MGAT5: variants seen among roughly 807,000 people sequenced by gnomAD.
The protein encoded by MGAT5 is alpha-1,6-mannosylglycoprotein 6-beta-N-acetylglucosaminyltransferase A.
MGAT5 carries 30 observed loss-of-function variants against 94.3 expected under a neutral mutation model. The observed-to-expected ratio is 0.32, with a 90% CI of 0.24 to 0.43. The LOEUF (loss-of-function observed/expected upper bound fraction) is 0.43, where lower values mean the gene tolerates loss of function less well. Ranked by LOEUF, MGAT5 falls within the 20% of genes least tolerant of loss-of-function variation. The probability of loss-of-function intolerance (pLI) is 1.00; values close to 1 mark genes in which losing one functional copy is unlikely to be tolerated. For synonymous variants in MGAT5, 310 were observed against 322.9 expected (o/e 0.96, Z 0.43); for missense variants, 691 against 905.5 (o/e 0.76, Z 3.04).
At chr2:134,206,232 A>G (rs558751113) in intron 1 of MGAT5, among the ~76,000 whole-genome samples, 87 of 152,196 alleles carry the variant, frequency 5.7e-4, no homozygotes, top group Non-Finnish European at 2.8e-4. Context: ...GCGAGAGGAA[A>G]GAGAAGTGAT....
At chr2:134,296,516 C>G (rs1006665600) in intron 2 of MGAT5, among the ~76,000 whole-genome samples, 2 of 151,588 alleles carry the variant, frequency 1.3e-5, no homozygotes, top group East Asian at 3.9e-4. Flanking sequence ...TTTTTTTCCC[C>G]TTGTCTTGTT....
intron 1 of MGAT5, among the ~76,000 whole-genome samples, chr2:134,175,143 T>G (rs2139306): frequency 0.19 from 29,129 of 152,210 alleles, 2,911 homozygotes; most frequent in South Asian, 0.24. Flanking sequence ...CAGTGTCCAG[T>G]TCTGCTGCAT....
intron 2 of MGAT5, among the ~76,000 whole-genome samples, chr2:134,300,933 TAATA>T (rs977154194): frequency 3.9e-5 from 6 of 152,278 alleles, no homozygotes; most frequent in African/African-American, 1.4e-4. Context: ...TGATGAGTTT[TAATA>T]AATGTATATA....
intron 1 of MGAT5, among the ~76,000 whole-genome samples, chr2:134,122,229 C>G (rs566065932): frequency 1.3e-5 from 2 of 152,216 alleles, no homozygotes; most frequent in East Asian, 3.9e-4. Flanking sequence ...CTCAACCTCT[C>G]AAGTAGCTGG....
At chr2:134,146,274 T>C (rs1298859846) in intron 1 of MGAT5, among the ~76,000 whole-genome samples, 1 of 152,058 alleles carries the variant, frequency 6.6e-6, no homozygotes, top group Non-Finnish European at 1.5e-5. Flanking sequence ...AACGTTTGAG[T>C]AGGCCAGGTG....
intron 7 of MGAT5, 124 bp from the exon 8 acceptor site, chr2:134,344,806 C>A: frequency 2.8e-6 from 3 of 1,087,052 alleles, no homozygotes; most frequent in Non-Finnish European, 3.9e-6. Flanking sequence ...TTTGAAAGGG[C>A]CATGCTGTCA....
chr2:134,307,996 G>T (rs1340938948), intron 2 of MGAT5, among the ~76,000 whole-genome samples: 1 of 152,158 alleles, frequency 6.6e-6, no homozygotes, highest in Non-Finnish European at 1.5e-5. Flanking sequence ...TAAATGTGCA[G>T]ATAGGGCTAG....
chr2:134,447,962 G>C (rs902923379), intron 15 of MGAT5, among the ~76,000 whole-genome samples: 3 of 152,214 alleles, frequency 2.0e-5, no homozygotes, highest in African/African-American at 4.8e-5. Flanking sequence ...ATGGCTTAAG[G>C]GTGGCTGCAA....
chr2:134,134,614 G>A (rs896552607), intron 1 of MGAT5, among the ~76,000 whole-genome samples: 1 of 152,226 alleles, frequency 6.6e-6, no homozygotes, highest in African/African-American at 2.4e-5. Context: ...GATCACCCAG[G>A]GGTGGGCAGG....
chr2:134,390,479 A>G (rs7585292), intron 10 of MGAT5, among the ~76,000 whole-genome samples: 15,569 of 152,296 alleles, frequency 0.1, 947 homozygotes, highest in South Asian at 0.23. Flanking sequence ...CATTAGGTAT[A>G]TCTCCTAATG....
chr2:134,220,223 C>T (rs188826255), intron 1 of MGAT5, among the ~76,000 whole-genome samples: 1 of 152,282 alleles, frequency 6.6e-6, no homozygotes. Context: ...TAGTTCTTCG[C>T]CAGCCTCTCA....
At chr2:134,369,421 T>A (rs1315277279) in intron 10 of MGAT5, among the ~76,000 whole-genome samples, 1 of 152,162 alleles carries the variant, frequency 6.6e-6, no homozygotes, top group African/African-American at 2.4e-5. Flanking sequence ...GGAACCTGGC[T>A]CTGGGCCAGC....
intron 10 of MGAT5, among the ~76,000 whole-genome samples, chr2:134,396,205 C>T (rs1220865964): frequency 2.0e-5 from 3 of 152,084 alleles, no homozygotes; most frequent in African/African-American, 7.2e-5. Context: ...CAAGGACCAC[C>T]CCATACATAT....
chr2:134,446,631 C>G (rs2106441365), intron 15 of MGAT5, among the ~76,000 whole-genome samples: 1 of 152,306 alleles, frequency 6.6e-6, no homozygotes, highest in Admixed American at 6.5e-5. Flanking sequence ...CCTGCCCTCT[C>G]CCTTCATGAT....
rs192733187 is a variant in MGAT5 at position 134,235,079 on chromosome 2, A to T, written c.-142-19183A>T. ...TTTCTGGCTTCTTTGGAAAATTGGA[A>T]GATCTAGCTAACCCAGGCTGTCTTA... On this transcript the variant is annotated intron_variant, in intron 1 of 16. Transcript: ENST00000409645. Among the ~76,000 whole-genome samples the T allele has an allele frequency of 3.7e-3, 559 of 152,164 alleles. 4 individuals carry two copies. Among genetic ancestry groups the T allele is most frequent in the Non-Finnish European group, 4.3e-3 (289 of 67,976 alleles).
At chr2:134,198,755 G>T (rs1023336987) in intron 1 of MGAT5, among the ~76,000 whole-genome samples, 1 of 152,150 alleles carries the variant, frequency 6.6e-6, no homozygotes, top group South Asian at 2.1e-4. Flanking sequence ...GTCTGATCAT[G>T]GGCCCACTTT....
At chr2:134,121,539 T>C (rs1438019630) in intron 1 of MGAT5, among the ~76,000 whole-genome samples, 2 of 152,018 alleles carry the variant, frequency 1.3e-5, no homozygotes, top group Non-Finnish European at 1.5e-5. Context: ...TGGATGGATT[T>C]GGTATAGGGC....
At chr2:134,412,847 T>C in intron 11 of MGAT5, 22 bp from the exon 12 acceptor site, 1 of 1,613,884 alleles carries the variant, frequency 6.2e-7, no homozygotes, top group South Asian at 1.1e-5. Context: ...GTTCATACGC[T>C]GTGTGGTTTT....
chr2:134,298,836 T>C (rs1685850415), intron 2 of MGAT5, among the ~76,000 whole-genome samples: 1 of 152,066 alleles, frequency 6.6e-6, no homozygotes, highest in Admixed American at 6.6e-5. Flanking sequence ...GCTGGTTGAG[T>C]GTTCTGTATG....
Sources: gnomAD v4.1 joint callset for allele counts (sites outside exome capture counted in the v4.1 genomes callset) on GRCh38, gnomAD v4.1.1 for gene constraint, MANE v1.5 for transcripts, NCBI Gene and HGNC (gene_info 2026-07-23, HGNC 2026-07-21) for gene names.